CHODL: variants seen among roughly 807,000 people sequenced by gnomAD.
The protein encoded by CHODL is chondrolectin.
CHODL carries 29 observed loss-of-function variants against 34.5 expected under a neutral mutation model. The observed-to-expected ratio is 0.84, with a 90% CI of 0.63 to 1.15. CHODL has a LOEUF of 1.15. Among genes scored for constraint, CHODL ranks in the 50% most tolerant of loss-of-function variants. The pLI is 0.00. For missense variants in CHODL, 332 were observed against 332.5 expected (o/e 1.00, Z 0.01); for synonymous variants, 125 against 116.1 (o/e 1.08, Z -0.49).
In CHODL at chr21:18,136,258, C is replaced by G. The variant is rs114499259; in HGVS notation, c.-45+108287C>G. ...ATCAAGGAAAAAGAGGAATGAAATG[C>G]ACAATATTAAAATACTTCAGTTTGG... On this transcript the variant is annotated intron_variant, in intron 2 of 6. Transcript: ENST00000400127. 9.2e-3 allele frequency among the ~76,000 whole-genome samples: 1,402 copies of G among 152,116 alleles called. 17 individuals carry two copies. Among genetic ancestry groups the G allele is most frequent in the African/African-American group, 0.032 (1,327 of 41,492 alleles).
At chr21:17,932,473 A>T (rs187373617) in intron 1 of CHODL, among the ~76,000 whole-genome samples, 18 of 152,322 alleles carry the variant, frequency 1.2e-4, no homozygotes, top group African/African-American at 4.3e-4. Flanking sequence ...CCCAAAGGAA[A>T]ATAAATCATT....
intron 2 of CHODL, among the ~76,000 whole-genome samples, chr21:18,068,187 T>G (rs781364626): frequency 5.9e-5 from 9 of 151,966 alleles, no homozygotes; most frequent in Non-Finnish European, 1.0e-4. Context: ...ACTTCTTTAT[T>G]CATTTTTCTT....
intron 2 of CHODL, among the ~76,000 whole-genome samples, chr21:18,191,521 A>G (rs188960331): frequency 4.3e-4 from 65 of 152,246 alleles, no homozygotes; most frequent in Admixed American, 3.6e-3. Context: ...TGTCATTGTG[A>G]TTTTAACTTG....
At chr21:17,930,577 A>G (rs1367985149) in intron 1 of CHODL, among the ~76,000 whole-genome samples, 1 of 152,196 alleles carries the variant, frequency 6.6e-6, no homozygotes, top group Non-Finnish European at 1.5e-5. Context: ...ATCACAGCCA[A>G]TACCTGAACT....
intron 2 of CHODL, among the ~76,000 whole-genome samples, chr21:18,077,113 A>G (rs759622850): frequency 7.2e-5 from 11 of 152,200 alleles, no homozygotes; most frequent in Non-Finnish European, 1.5e-4. Flanking sequence ...CATGGAGGGT[A>G]GAGCATTAAG....
intron 2 of CHODL, among the ~76,000 whole-genome samples, chr21:18,145,217 A>T (rs1039713111): frequency 6.7e-4 from 100 of 149,194 alleles, no homozygotes; most frequent in African/African-American, 2.2e-3. Flanking sequence ...CTGGCGGATC[A>T]TGAGGTCAGG....
At chr21:17,967,663 G>A (rs997005598) in intron 1 of CHODL, among the ~76,000 whole-genome samples, 1 of 151,876 alleles carries the variant, frequency 6.6e-6, no homozygotes. Flanking sequence ...TCTTTCAACA[G>A]GAGATACATG....
intron 2 of CHODL, among the ~76,000 whole-genome samples, chr21:18,149,992 C>A (rs552633075): frequency 6.6e-6 from 1 of 152,278 alleles, no homozygotes; most frequent in East Asian, 1.9e-4. Context: ...GGTTGAGATG[C>A]AGCTTGATTT....
intron 1 of CHODL, among the ~76,000 whole-genome samples, chr21:17,941,488 C>T (rs2063363473): frequency 6.7e-6 from 1 of 149,582 alleles, no homozygotes; most frequent in Non-Finnish European, 1.5e-5. Flanking sequence ...TACAACCACC[C>T]TGGCTTTCTG....
intron 1 of CHODL, among the ~76,000 whole-genome samples, chr21:17,948,254 A>G (rs1315977359): frequency 6.6e-6 from 1 of 152,066 alleles, no homozygotes; most frequent in Non-Finnish European, 1.5e-5. Context: ...CCTCTACATA[A>G]TAATCCATGT....
intron 2 of CHODL, among the ~76,000 whole-genome samples, chr21:18,162,249 C>T (rs2073103632): frequency 6.6e-6 from 1 of 152,038 alleles, no homozygotes; most frequent in Non-Finnish European, 1.5e-5. Context: ...AGGCTAAAAG[C>T]CCAACATCAA....
intron 2 of CHODL, among the ~76,000 whole-genome samples, chr21:18,216,453 T>A (rs1455693264): frequency 6.6e-6 from 1 of 152,166 alleles, no homozygotes; most frequent in Non-Finnish European, 1.5e-5. Flanking sequence ...CACTTCCCAC[T>A]CATAGGTAAC....
At chr21:17,995,414 T>A (rs2063839667) in intron 1 of CHODL, among the ~76,000 whole-genome samples, 1 of 152,198 alleles carries the variant, frequency 6.6e-6, no homozygotes, top group Non-Finnish European at 1.5e-5. Context: ...GCTTTCTCAC[T>A]CTGAGCTTAT....
At chr21:18,218,665 C>A (rs1331084755) in intron 2 of CHODL, among the ~76,000 whole-genome samples, 1 of 152,118 alleles carries the variant, frequency 6.6e-6, no homozygotes, top group Non-Finnish European at 1.5e-5. Context: ...TATTTCGTTG[C>A]CAGGCTGCAA....
chr21:18,096,933 TG>T (rs1437533914), intron 2 of CHODL, among the ~76,000 whole-genome samples: 1 of 152,152 alleles, frequency 6.6e-6, no homozygotes, highest in Non-Finnish European at 1.5e-5. Flanking sequence ...AAAATTTCTC[TG>T]TTTGTGCTCT....
At chr21:18,080,735 A>G (rs912483346) in intron 2 of CHODL, among the ~76,000 whole-genome samples, 6 of 152,128 alleles carry the variant, frequency 3.9e-5, no homozygotes, top group Non-Finnish European at 8.8e-5. Flanking sequence ...TTTAGTCACT[A>G]TAGCTTAGTA....
chr21:17,934,692 A>G (rs1177326390), intron 1 of CHODL, among the ~76,000 whole-genome samples: 2 of 152,170 alleles, frequency 1.3e-5, no homozygotes, highest in African/African-American at 4.8e-5. Flanking sequence ...TTATAATGTT[A>G]AATGGCAAAA....
At chr21:18,222,925 G>C (rs1216786387) in intron 2 of CHODL, among the ~76,000 whole-genome samples, 1 of 152,170 alleles carries the variant, frequency 6.6e-6, no homozygotes, top group Non-Finnish European at 1.5e-5. Flanking sequence ...AGGATGCAAG[G>C]AGATTCTCCG....
intron 1 of CHODL, among the ~76,000 whole-genome samples, chr21:17,954,477 C>G (rs1338807686): frequency 7.2e-6 from 1 of 139,418 alleles, no homozygotes; most frequent in African/African-American, 2.5e-5. Context: ...GAAGGTTGTC[C>G]TCTCCAATGT....
Sources: gnomAD v4.1 joint callset for allele counts (sites outside exome capture counted in the v4.1 genomes callset) on GRCh38, gnomAD v4.1.1 for gene constraint, MANE v1.5 for transcripts, NCBI Gene and HGNC (gene_info 2026-07-23, HGNC 2026-07-21) for gene names.